FZR1: variants seen among roughly 807,000 people sequenced by gnomAD.
The protein encoded by FZR1 is fizzy-related protein homolog.
In FZR1, 11 loss-of-function variants were observed where a neutral mutation model predicts 63.6. That is an observed-to-expected ratio of 0.17 (90% CI 0.11 to 0.29). The LOEUF is 0.29. Among genes scored for constraint, FZR1 ranks in the 10% least tolerant of loss-of-function variants. The pLI is 1.00. For synonymous variants in FZR1, 328 were observed against 297.9 expected (o/e 1.10, Z -1.04); for missense variants, 440 against 687.5 (o/e 0.64, Z 4.03).
intron 13 of FZR1, 63 bp downstream of exon 13, chr19:3,534,576 TC>T: frequency 8.8e-7 from 1 of 1,133,748 alleles, no homozygotes; most frequent in Non-Finnish European, 1.3e-6. Flanking sequence ...GTCGTCCCTG[TC>T]CCCACTGTCC....
chr19:3,522,208 G>A, intron 1 of FZR1, among the ~76,000 whole-genome samples: 1 of 152,198 alleles, frequency 6.6e-6, no homozygotes, highest in South Asian at 2.1e-4. Context: ...TGTCTCCATG[G>A]CCTGCACGGA....
chr19:3,531,132 G>A (rs1027533426), intron 8 of FZR1, among the ~76,000 whole-genome samples: 1 of 152,124 alleles, frequency 6.6e-6, no homozygotes, highest in African/African-American at 2.4e-5. Context: ...CCTGGGACTC[G>A]CTCCCCTGGA....
Position 3,537,624 on chromosome 19 carries a change from CG to C in FZR1, c.*2794del. 1 of 152,874 alleles carries C rather than the reference CG, an allele frequency of 6.5e-6. No homozygotes were observed. Among genetic ancestry groups the C allele is most frequent in the East Asian group, 1.9e-4 (1 of 5,160 alleles). The allele number at this position is 152,874 out of a possible 1,614,324, so 9.5% of individuals were successfully genotyped here. On this transcript the variant is annotated 3_prime_UTR_variant, in exon 14 of 14. Transcript: ENST00000441788. Reference sequence around the variant, plus strand: ...GAAGTGGCTGAGGGAGCCAGGAGGCCGGGGGGCCGGGGGCTGCAGGGGAGGC... The same window carrying C: ...GAAGTGGCTGAGGGAGCCAGGAGGCCGGGGGCCGGGGGCTGCAGGGGAGGC...
chr19:3,526,914 G>A lies in FZR1; in HGVS notation c.388-66G>A. 1 of 1,114,612 alleles carries A rather than the reference G, an allele frequency of 9.0e-7. No homozygotes were observed. Among genetic ancestry groups the A allele is most frequent in the Non-Finnish European group, 1.4e-6 (1 of 735,308 alleles). The allele number at this position is 1,114,612 out of a possible 1,614,324, so 69.0% of individuals were successfully genotyped here. On this transcript the variant is annotated intron_variant, in intron 5 of 13. Transcript: ENST00000441788. This position sits in a 1 kb window ranked among gnomAD's most constrained non-coding sequence, Gnocchi z 5.4. ...ATGAGCTGTACCGGGAGCGTGGGCT[G>A]CTGGGGGGCTCTGAGGGTCCTGCGG...
intron 1 of FZR1, among the ~76,000 whole-genome samples, chr19:3,518,351 G>A (rs1006790443): frequency 1.3e-5 from 2 of 152,142 alleles, no homozygotes; most frequent in African/African-American, 4.8e-5. Flanking sequence ...GTATCCTCCT[G>A]CTGTACCTGG....
chr19:3,522,276 G>C (rs2083109481), intron 1 of FZR1, among the ~76,000 whole-genome samples: 1 of 152,148 alleles, frequency 6.6e-6, no homozygotes, highest in South Asian at 2.1e-4. Flanking sequence ...ATCTCTCTCT[G>C]GAACGTTCTT....
intron 1 of FZR1, among the ~76,000 whole-genome samples, chr19:3,513,562 A>G (rs2083038391): frequency 2.0e-5 from 3 of 152,192 alleles, no homozygotes; most frequent in Non-Finnish European, 1.5e-5. Context: ...TGCTGTCCCA[A>G]GGACATTCAG....
chr19:3,528,025 A>G (rs2083179061), intron 7 of FZR1, among the ~76,000 whole-genome samples: 1 of 126,070 alleles, frequency 7.9e-6, no homozygotes, highest in Admixed American at 7.6e-5. Flanking sequence ...AGGGCCTCCC[A>G]GCCACGGCCC....
intron 7 of FZR1, among the ~76,000 whole-genome samples, chr19:3,528,439 G>A (rs572260720): frequency 6.6e-5 from 10 of 152,372 alleles, no homozygotes; most frequent in South Asian, 4.1e-4. Flanking sequence ...CCATTTGAGC[G>A]TCCTCTCCCG....
intron 1 of FZR1, among the ~76,000 whole-genome samples, chr19:3,511,028 A>G (rs2083021007): frequency 6.6e-6 from 1 of 152,208 alleles, no homozygotes; most frequent in Non-Finnish European, 1.5e-5. Context: ...CATGACACAG[A>G]CAGAGATGCA....
chr19:3,528,525 G>T (rs1316317473), intron 7 of FZR1, among the ~76,000 whole-genome samples: 1 of 151,972 alleles, frequency 6.6e-6, no homozygotes, highest in Non-Finnish European at 1.5e-5. Context: ...CCCTGTGTGT[G>T]TGTGTCTCCC....
Position 3,518,650 on chromosome 19 carries a change from C to T in FZR1, c.-34-4306C>T, listed in dbSNP as rs575720345. On this transcript the variant is annotated intron_variant, in intron 1 of 13. Transcript: ENST00000441788. ...GCTGGGATTTGAAGTCTGCTGGTGC[C>T]GTTGTCCATCTTGCTTTTACTTTGG... 1.8e-3 allele frequency among the ~76,000 whole-genome samples: 274 copies of T among 152,312 alleles called. 3 individuals carry two copies. The highest frequency in any genetic ancestry group is 5.7e-3 in the African/African-American group (235 of 41,562).
intron 1 of FZR1, among the ~76,000 whole-genome samples, chr19:3,519,379 A>T (rs2083082112): frequency 6.6e-6 from 1 of 152,200 alleles, no homozygotes; most frequent in Non-Finnish European, 1.5e-5. Flanking sequence ...TGAAGCCGCC[A>T]GTGCTGGGCG....
intron 1 of FZR1, among the ~76,000 whole-genome samples, chr19:3,518,743 G>C (rs1365914374): frequency 6.6e-6 from 1 of 152,188 alleles, no homozygotes; most frequent in African/African-American, 2.4e-5. Flanking sequence ...GCATGTCTCT[G>C]GTCCTAGCTA....
Position 3,535,231 on chromosome 19 carries a change from A to G in FZR1, c.*395A>G. On this transcript the variant is annotated 3_prime_UTR_variant, in exon 14 of 14. Transcript: ENST00000441788. ...GGAACTGCCCACGTCTGCACAGAAC[A>G]GACCACCAGACGCCAGGGCTGATTG... The G allele has an allele frequency of 4.4e-6, 1 of 226,314 alleles. No homozygotes were observed. Among genetic ancestry groups the G allele is most frequent in the Non-Finnish European group, 8.8e-6 (1 of 113,246 alleles). The allele number at this position is 226,314 out of a possible 1,614,324, so 14.0% of individuals were successfully genotyped here. A position where few individuals can be genotyped will look rare whatever the true frequency, so the allele number is the denominator to read the frequency against.
At chr19:3,512,957 GT>G (rs2083034099) in intron 1 of FZR1, among the ~76,000 whole-genome samples, 1 of 152,080 alleles carries the variant, frequency 6.6e-6, no homozygotes, top group African/African-American at 2.4e-5. Flanking sequence ...CCATTTTTTT[GT>G]GGGGGGTCTT....
chr19:3,523,654 G>C (rs2083124221), intron 2 of FZR1, among the ~76,000 whole-genome samples: 1 of 152,244 alleles, frequency 6.6e-6, no homozygotes. Flanking sequence ...AGCCTGGACG[G>C]CCACCAGTCC....
At position 3,515,825 on chromosome 19, in the gene FZR1, C is replaced by T. The variant is rs2083055101; in HGVS notation, c.-34-7131C>T. ...AAACGAGGTGCCAGGAGAAATAAGG[C>T]TTCTTTCCTCCCCAATCCTCGTCCT... On this transcript the variant is annotated intron_variant, in intron 1 of 13. Coordinates refer to ENST00000441788, the MANE Select transcript of FZR1 (RefSeq NM_016263.4). This position sits in a 1 kb window ranked among gnomAD's most constrained non-coding sequence, Gnocchi z 4.6. Among the ~76,000 whole-genome samples, 1 of 151,576 alleles carries T rather than the reference C, an allele frequency of 6.6e-6. No individual in the cohort carries two copies. Among genetic ancestry groups the T allele is most frequent in the African/African-American group, 2.4e-5 (1 of 41,228 alleles).
intron 1 of FZR1, among the ~76,000 whole-genome samples, chr19:3,512,629 G>A (rs769641505): frequency 5.9e-5 from 9 of 152,178 alleles, no homozygotes; most frequent in Non-Finnish European, 8.8e-5. Flanking sequence ...TGGGTCCCTG[G>A]AGCTGCAGGG....
Sources: gnomAD v4.1 joint callset for allele counts (sites outside exome capture counted in the v4.1 genomes callset) on GRCh38, gnomAD v4.1.1 for gene constraint, Gnocchi (gnomAD v3.1) non-coding constraint, MANE v1.5 for transcripts, NCBI Gene and HGNC (gene_info 2026-07-23, HGNC 2026-07-21) for gene names.